The following FAHD2A variants were observed in gnomAD, a reference collection of about 807,000 sequenced individuals.
The protein encoded by FAHD2A is oxaloacetate tautomerase FAHD2A, mitochondrial.
FAHD2A carries 27 observed loss-of-function variants against 33.4 expected under a neutral mutation model. That is an observed-to-expected ratio of 0.81 (90% CI 0.60 to 1.11). The LOEUF is 1.11. FAHD2A is among the 50% of genes most tolerant of loss of function. The pLI is 0.00. For synonymous variants in FAHD2A, 130 were observed against 153.3 expected, an observed-to-expected ratio of 0.85 and a Z score of 1.12; for missense variants, 296 against 395.0, an observed-to-expected ratio of 0.75 and a Z score of 2.12.
intron 2 of FAHD2A, 34 bp from the exon 3 acceptor site, chr2:95,406,907 A>G (rs774970835): frequency 1.1e-4 from 180 of 1,575,172 alleles, no homozygotes; most frequent in Non-Finnish European, 1.5e-4. Flanking sequence ...ACCTGTTCCC[A>G]GCCAGACCCT....
rs1223571273 is a variant in FAHD2A at position 95,414,946 on chromosome 2, G to A, written c.*1989G>A. 2 of 152,200 alleles carry A rather than the reference G, an allele frequency of 1.3e-5. No homozygotes were observed. The highest frequency in any genetic ancestry group is 2.9e-5 in the Non-Finnish European group (2 of 68,168). The allele number at this position is 152,200 out of a possible 1,614,324, so 9.4% of individuals were successfully genotyped here. On this transcript the variant is annotated 3_prime_UTR_variant, in exon 8 of 8. Coordinates refer to ENST00000233379, the MANE Select transcript of FAHD2A (RefSeq NM_016044.3). The stretch of plus-strand genomic sequence containing the variant: ...AACAAAACCAATAACTCAGTAAGCA[G>A]ATTAAACAAAGGTAGAGACGGAGCC...
At position 95,415,270 on chromosome 2, in the gene FAHD2A, G is replaced by A. The variant is rs1189828508; in HGVS notation, c.*2313G>A. 2.0e-5 allele frequency: 3 copies of A among 152,048 alleles called. No individual in the cohort carries two copies. The highest frequency in any genetic ancestry group is 1.5e-5 in the Non-Finnish European group (1 of 68,024). The allele number at this position is 152,048 out of a possible 1,614,324, so 9.4% of individuals were successfully genotyped here. A position where few individuals can be genotyped will look rare whatever the true frequency, so the allele number is the denominator to read the frequency against. On this transcript the variant is annotated 3_prime_UTR_variant, in exon 8 of 8. Transcript: ENST00000233379. ...TGCATGTAGGACAGGGCACAGTTTGGAGGCCTTGGTCCAGCCACTGCCCCA... is the reference window on the plus strand; with the variant it reads ...TGCATGTAGGACAGGGCACAGTTTGAAGGCCTTGGTCCAGCCACTGCCCCA...
downstream of FAHD2A, among the ~76,000 whole-genome samples, chr2:95,419,030 G>A (rs183779276): frequency 5.7e-4 from 87 of 152,130 alleles, 2 homozygotes; most frequent in African/African-American, 1.9e-3. Flanking sequence ...AAGTGATGCA[G>A]CCACAAGTCA....
rs1222689593 is a variant in FAHD2A, at chr2:95,406,975, T to C, written c.280T>C (p.Ser94Pro). Residue 94 changes from serine (S) to proline (P), a missense_variant, in exon 3 of 8, where the codon TCG (serine) becomes CCG (proline). By Grantham distance (74) the Ser-to-Pro change is moderately conservative (BLOSUM62 -1). Coordinates refer to ENST00000233379, the MANE Select transcript of FAHD2A (RefSeq NM_016044.3). ...LAAQLPVLPR[S>P]EVTFLAPVTR... ...TGCCCAGTTGCCAGTCCTACCACGG[T>C]CGGAGGTAACCTTCCTGGCTCCAGT... 6 of 1,613,932 alleles carry C rather than the reference T, an allele frequency of 3.7e-6. No individual in the cohort carries two copies. In the South Asian group the frequency reaches 6.6e-5, roughly 18 times the overall value.
rs755439238 is a variant in FAHD2A, at chr2:95,410,907, A to G, written c.566A>G (p.His189Arg). Reference protein sequence around the residue: ...MAHVAGFTVAHDVSARDWQMR... With the variant: ...MAHVAGFTVARDVSARDWQMR... Reference sequence around the variant, plus strand: ...CACGTGGCCGGCTTCACTGTGGCTCATGACGTGAGTGCTCGTGACTGGCAA... The same window carrying G: ...CACGTGGCCGGCTTCACTGTGGCTCGTGACGTGAGTGCTCGTGACTGGCAA... Residue 189 changes from histidine (H) to arginine (R), a missense_variant, in exon 5 of 8, where the codon CAT becomes CGT. Coordinates refer to ENST00000233379, the MANE Select transcript of FAHD2A (RefSeq NM_016044.3). 11 of 1,613,996 alleles carry G rather than the reference A, an allele frequency of 6.8e-6. No individual in the cohort carries two copies. The highest frequency in any genetic ancestry group is 8.5e-7 in the Non-Finnish European group (1 of 1,179,852).
Sources: gnomAD v4.1 joint callset for allele counts (sites outside exome capture counted in the v4.1 genomes callset) on GRCh38, gnomAD v4.1.1 for gene constraint, MANE v1.5 for transcripts, NCBI Gene and HGNC (gene_info 2026-07-23, HGNC 2026-07-21) for gene names.